Variants in ACBD6 observed in about 807,000 individuals in gnomAD.
ACBD6 encodes the protein acyl-CoA binding domain containing 6.
Under a neutral mutation model 37.2 loss-of-function variants are expected in ACBD6, and 28 were observed. That is an observed-to-expected ratio of 0.75 (90% confidence interval 0.56 to 1.03). The LOEUF (loss-of-function observed/expected upper bound fraction) is 1.03. Ranked by LOEUF, ACBD6 falls within the 50% of genes least tolerant of loss-of-function variation. ACBD6 has a pLI of 0.00. For synonymous variants in ACBD6, 113 were observed against 126.8 expected, an observed-to-expected ratio of 0.89 and a Z score of 0.73; for missense variants, 340 against 337.4, an observed-to-expected ratio of 1.01 and a Z score of -0.06.
chr1:180,493,133 A>G (rs1651571357), intron 2 of ACBD6, among the ~76,000 whole-genome samples: 2 of 151,446 alleles, frequency 1.3e-5, no homozygotes, highest in African/African-American at 2.4e-5. Flanking sequence ...CCTGTAGTCC[A>G]GCTACTCTGG....
chr1:180,318,169 C>CA (rs71822070), intron 6 of ACBD6, among the ~76,000 whole-genome samples: 8,920 of 103,924 alleles, frequency 0.086, 1,297 homozygotes, highest in African/African-American at 0.29. Flanking sequence ...CTCCGCCCCC[C>CA]CCCCCCAAAA....
At chr1:180,345,097 T>C (rs1331296748) in intron 6 of ACBD6, among the ~76,000 whole-genome samples, 1 of 152,218 alleles carries the variant, frequency 6.6e-6, no homozygotes, top group Non-Finnish European at 1.5e-5. Context: ...TGTATTAATT[T>C]ACCGAGCTGG....
intron 3 of ACBD6, among the ~76,000 whole-genome samples, chr1:180,479,859 C>T (rs770745164): frequency 6.6e-6 from 1 of 151,952 alleles, no homozygotes; most frequent in Non-Finnish European, 1.5e-5. Flanking sequence ...TGTGGTGACA[C>T]GCACCTGTAG....
intron 3 of ACBD6, among the ~76,000 whole-genome samples, chr1:180,453,962 T>C (rs1466487630): frequency 1.3e-5 from 2 of 151,912 alleles, no homozygotes; most frequent in South Asian, 2.1e-4. Flanking sequence ...AAGTAATTTA[T>C]AGATTCAATG....
At chr1:180,332,887 G>A (rs1651540853) in intron 6 of ACBD6, among the ~76,000 whole-genome samples, 2 of 152,124 alleles carry the variant, frequency 1.3e-5, no homozygotes, top group African/African-American at 4.8e-5. Context: ...GCCAGATTAT[G>A]TCATACCTTG....
intron 6 of ACBD6, among the ~76,000 whole-genome samples, chr1:180,355,117 T>G (rs1337657655): frequency 6.6e-6 from 1 of 152,216 alleles, no homozygotes; most frequent in African/African-American, 2.4e-5. Context: ...CTAGGCAATT[T>G]TTACATGAGT....
At chr1:180,371,867 T>A (rs894579038) in intron 6 of ACBD6, among the ~76,000 whole-genome samples, 1 of 152,090 alleles carries the variant, frequency 6.6e-6, no homozygotes, top group Non-Finnish European at 1.5e-5. Flanking sequence ...AATTCACACA[T>A]GAAGAAATGA....
At chr1:180,373,803 T>C (rs189485358) in intron 6 of ACBD6, among the ~76,000 whole-genome samples, 51 of 152,310 alleles carry the variant, frequency 3.3e-4, no homozygotes, top group African/African-American at 1.1e-3. Flanking sequence ...TTTTTGGTAT[T>C]TGATAATGAA....
In ACBD6 at chr1:180,495,458, T is replaced by C; in HGVS notation, c.287+3A>G. Reference sequence around the variant, plus strand: ...CTCATTAAAGATTCCAGGAATTTCTTACCATTTTTGCTTTCCTTCAAAATC... The same window carrying C: ...CTCATTAAAGATTCCAGGAATTTCTCACCATTTTTGCTTTCCTTCAAAATC... On this transcript the variant is annotated splice_donor_region_variant and intron_variant, in intron 2 of 7. Coordinates refer to ENST00000367595, the MANE Select transcript of ACBD6 (RefSeq NM_032360.4). The C allele has an allele frequency of 1.9e-6, 3 of 1,596,176 alleles. No homozygotes were observed. Among genetic ancestry groups the C allele is most frequent in the Non-Finnish European group, 2.6e-6 (3 of 1,170,484 alleles).
intron 6 of ACBD6, among the ~76,000 whole-genome samples, chr1:180,392,681 C>T (rs1654120185): frequency 6.6e-6 from 1 of 151,992 alleles, no homozygotes; most frequent in African/African-American, 2.4e-5. Flanking sequence ...CTTGTTATAT[C>T]CTACCCAACC....
At position 180,487,408 on chromosome 1, in the gene ACBD6, G is replaced by A. The variant is rs868121622; in HGVS notation, c.384+4861C>T. 1.8e-4 allele frequency among the ~76,000 whole-genome samples: 27 copies of A among 152,060 alleles called. No homozygotes were observed. In the South Asian group the frequency reaches 3.1e-3, roughly 18 times the overall value. On this transcript the variant is annotated intron_variant, in intron 3 of 7. Transcript: ENST00000367595. Reference sequence around the variant, plus strand: ...GTGATGAAATTTCACACCATCTCACGCCCTCCACTCCAACCCACTGCATCC... The same window carrying A: ...GTGATGAAATTTCACACCATCTCACACCCTCCACTCCAACCCACTGCATCC...
intron 3 of ACBD6, among the ~76,000 whole-genome samples, chr1:180,462,448 C>T (rs914888023): frequency 3.3e-5 from 5 of 151,676 alleles, no homozygotes; most frequent in Admixed American, 2.0e-4. Flanking sequence ...CTTAAGTTTC[C>T]AACAGACTTT....
intron 6 of ACBD6, among the ~76,000 whole-genome samples, chr1:180,389,020 ATACTTT>A (rs917587796): frequency 1.9e-4 from 29 of 152,132 alleles, no homozygotes; most frequent in African/African-American, 5.8e-4. Flanking sequence ...TTTTATTATT[ATACTTT>A]AAGTTTTAGG....
intron 6 of ACBD6, among the ~76,000 whole-genome samples, chr1:180,393,698 CCT>C (rs1452814201): frequency 2.6e-5 from 4 of 152,260 alleles, no homozygotes; most frequent in Admixed American, 2.0e-4. Context: ...CTCCAGAAGC[CCT>C]CTGACTTCGA....
intron 7 of ACBD6, among the ~76,000 whole-genome samples, chr1:180,299,895 G>C (rs911003032): frequency 6.6e-6 from 1 of 151,878 alleles, no homozygotes; most frequent in African/African-American, 2.4e-5. Flanking sequence ...AATATCTGAA[G>C]ATTAAAAAAA....
chr1:180,351,657 A>C (rs568803989), intron 6 of ACBD6, among the ~76,000 whole-genome samples: 20 of 151,784 alleles, frequency 1.3e-4, no homozygotes, highest in Middle Eastern at 3.4e-3. Flanking sequence ...AGTATCAAAA[A>C]CACAGAAAAT....
intron 6 of ACBD6, among the ~76,000 whole-genome samples, chr1:180,331,872 A>G (rs1416639515): frequency 3.3e-5 from 5 of 152,312 alleles, no homozygotes; most frequent in South Asian, 2.1e-4. Context: ...CTTGAATTCT[A>G]CTTTCCTCAT....
intron 3 of ACBD6, among the ~76,000 whole-genome samples, chr1:180,485,066 CT>C (rs1368589338): frequency 1.4e-5 from 2 of 148,134 alleles, no homozygotes; most frequent in African/African-American, 5.0e-5. Context: ...CAGAGTGAGA[CT>C]CTGTCTCAAA....
At chr1:180,375,070 A>T (rs920919541) in intron 6 of ACBD6, among the ~76,000 whole-genome samples, 1 of 152,182 alleles carries the variant, frequency 6.6e-6, no homozygotes, top group Non-Finnish European at 1.5e-5. Context: ...TAAAAATACC[A>T]ATAAGCTATT....
Sources: allele counts gnomAD v4.1 joint callset (sites outside exome capture counted in the v4.1 genomes callset), GRCh38; gene constraint gnomAD v4.1.1; transcripts MANE v1.5; gene names NCBI Gene and HGNC (gene_info 2026-07-23, HGNC 2026-07-21).